TTLL3: variants seen among roughly 807,000 people sequenced by gnomAD.
The protein encoded by TTLL3 is tubulin monoglycylase TTLL3.
In TTLL3, 63 loss-of-function variants were observed where a neutral mutation model predicts 75.2. The ratio of observed to expected loss-of-function variants is 0.84; its 90% CI spans 0.68 to 1.03. The LOEUF (loss-of-function observed/expected upper bound fraction) is 1.03. TTLL3 is among the 50% of genes least tolerant of loss of function. The probability of loss-of-function intolerance (pLI) is 0.00; values close to 1 mark genes in which losing one functional copy is unlikely to be tolerated. For synonymous variants in TTLL3, 393 were observed against 418.5 expected, an observed-to-expected ratio of 0.94 and a Z score of 0.74; for missense variants, 997 against 1,069.9, an observed-to-expected ratio of 0.93 and a Z score of 0.95.
upstream of TTLL3, chr3:9,810,112 T>C: frequency 1.4e-6 from 2 of 1,463,500 alleles, no homozygotes; most frequent in East Asian, 3.0e-5. The surrounding 1 kb of genome is among the most constrained non-coding windows in gnomAD (Gnocchi z 4.4). Context: ...GGTGTGCAAC[T>C]GGCTGCGGAA....
intron 7 of TTLL3, chr3:9,819,939 A>C: frequency 1.0e-6 from 1 of 985,940 alleles, no homozygotes; most frequent in Non-Finnish European, 1.2e-6. Context: ...TCAGTTGTAT[A>C]TCAGAATCTT....
chr3:9,824,803 C>T (rs545083496), intron 8 of TTLL3, among the ~76,000 whole-genome samples: 10 of 140,426 alleles, frequency 7.1e-5, no homozygotes, highest in Admixed American at 2.3e-4. Context: ...TGCAGTGGTA[C>T]GATCTCGGCT....
chr3:9,826,754 G>A (rs565443527), intron 9 of TTLL3, among the ~76,000 whole-genome samples: 82 of 146,056 alleles, frequency 5.6e-4, no homozygotes, highest in Non-Finnish European at 9.3e-4. Context: ...AAAAAGTCCA[G>A]CACTTTAAAT....
At chr3:9,819,352 T>G in intron 7 of TTLL3, 1 of 263,790 alleles carries the variant, frequency 3.8e-6, no homozygotes, top group Non-Finnish European at 6.3e-6. Context: ...ACTCATCCAT[T>G]CTTCTGTCCC....
Position 9,810,675 on chromosome 3 carries a change from GA to G in TTLL3, c.17del (p.Asn6ThrfsTer24), listed in dbSNP as rs983148796. The G allele has an allele frequency of 5.7e-6, 9 of 1,587,132 alleles. No individual in the cohort carries two copies. In the African/African-American group the frequency reaches 1.2e-4, roughly 21 times the overall value. On this transcript the variant is annotated frameshift_variant, in exon 2 of 14. Coordinates refer to ENST00000685419, the MANE Select transcript of TTLL3 (RefSeq NM_001387446.1). LOFTEE classifies it high-confidence loss of function. This position sits in a 1 kb window ranked among gnomAD's most constrained non-coding sequence, Gnocchi z 4.4. Reference protein sequence around the residue: MNRLRNAKIYVERAV... With the variant: MNRLXNAKIYVERAV... ...AAGGCGTCTCACATGAACCGGCTCA[GA>G]AACGCCAAAATCTACGTGGAGAGAG...
At chr3:9,830,959 T>C (rs9838916) in intron 11 of TTLL3, among the ~76,000 whole-genome samples, 96,226 of 151,942 alleles carry the variant, frequency 0.63, 31,437 homozygotes, top group Non-Finnish European at 0.7. Context: ...CCTGCCACCA[T>C]GCCCGGCTAA....
In TTLL3 at chr3:9,810,513, G is replaced by A; in HGVS notation, c.-41-108G>A. Reference sequence around the variant, plus strand: ...GCTGAGGGTGGGCATCTGGATGAAGGCAGGAGGAAGAAAAGAGGCGTGGCT... The same window carrying A: ...GCTGAGGGTGGGCATCTGGATGAAGACAGGAGGAAGAAAAGAGGCGTGGCT... On this transcript the variant is annotated intron_variant, in intron 1 of 13. Coordinates refer to ENST00000685419, the MANE Select transcript of TTLL3 (RefSeq NM_001387446.1). The surrounding 1 kb of genome is among the most constrained non-coding windows in gnomAD (Gnocchi z 4.4). The A allele has an allele frequency of 2.0e-6, 3 of 1,469,768 alleles. No individual in the cohort carries two copies. The highest frequency in any genetic ancestry group is 2.8e-5 in the South Asian group (2 of 71,302). 91.0% of individuals were successfully genotyped at this position (1,469,768 alleles called of 1,614,324 possible). A position where few individuals can be genotyped will look rare whatever the true frequency, so the allele number is the denominator to read the frequency against.
chr3:9,827,241 G>A lies in TTLL3; in HGVS notation c.1247+1G>A. ...CCTTCTCCCTGAAGAACCTGGACAA[G>A]TGAGCCCCTCTGCTCGCCTCCCACG... On this transcript the variant is annotated splice_donor_variant, in intron 10 of 13. Coordinates refer to ENST00000685419, the MANE Select transcript of TTLL3 (RefSeq NM_001387446.1). LOFTEE classifies it high-confidence loss of function. The A allele has an allele frequency of 1.9e-6, 3 of 1,613,510 alleles. No homozygotes were observed. Among genetic ancestry groups the A allele is most frequent in the South Asian group, 1.1e-5 (1 of 91,080 alleles).
intron 9 of TTLL3, 61 bp downstream of exon 9, chr3:9,826,009 C>G: frequency 6.3e-7 from 1 of 1,582,196 alleles, no homozygotes; most frequent in Non-Finnish European, 8.6e-7. Flanking sequence ...CCAGTAGAGG[C>G]CAAGGAAGTT....
chr3:9,819,120 C>T (rs766021888), intron 7 of TTLL3, 200 bp downstream of exon 7: 35 of 664,274 alleles, frequency 5.3e-5, no homozygotes, highest in Non-Finnish European at 7.6e-5. Context: ...TTCACCCACT[C>T]TCTGATCTAC....
In TTLL3 at chr3:9,827,077, G is replaced by C. The variant is rs1158917652; in HGVS notation, c.1084G>C (p.Val362Leu). The change falls in exon 10 of 14, where the codon GTG becomes CTG. Residue 362 changes from valine to leucine, a missense_variant. By Grantham distance (32) the Val-to-Leu change is conservative. Coordinates refer to ENST00000685419, the MANE Select transcript of TTLL3 (RefSeq NM_001387446.1). Reference sequence around the variant, plus strand: ...CGTGGTGATGAAGGACGGCAAGTGGGTGGTGCAGAAGTATATTGAGCGGCC... The same window carrying C: ...CGTGGTGATGAAGGACGGCAAGTGGCTGGTGCAGAAGTATATTGAGCGGCC... ...NPVVMKDGKW[V>L]VQKYIERPLL... The C allele has an allele frequency of 6.2e-7, 1 of 1,614,214 alleles. No individual in the cohort carries two copies. Among genetic ancestry groups the C allele is most frequent in the South Asian group, 1.1e-5 (1 of 91,078 alleles).
At chr3:9,809,972 A>AGGGGCCCTGGGAGGGCGGGCGCGGGATCG (rs1559733224), upstream of TTLL3, 1 of 1,298,278 alleles carries the variant, frequency 7.7e-7, no homozygotes, top group East Asian at 3.2e-5. Context: ...GCGCGGGATC[A>AGGGGCCCTGGGAGGGCGGGCGCGGGATCG]GGGGCCCTGG....
rs748693588 is a variant in TTLL3 at position 9,829,202 on chromosome 3, G to A, written c.1490G>A (p.Gly497Asp). ...QCRKASFELY[G>D]ADFVFGEDFQ... ...CGGAAGGCCAGCTTTGAGCTCTATG[G>A]CGCTGACTTCGTGTTCGGGGAGGAC... The change falls in exon 11 of 14, where the codon GGC (glycine) becomes GAC (aspartate). Residue 497 changes from glycine (G) to aspartate (D), a missense_variant. Coordinates refer to ENST00000685419, the MANE Select transcript of TTLL3 (RefSeq NM_001387446.1). 1 of 1,614,200 alleles carries A rather than the reference G, an allele frequency of 6.2e-7. No individual in the cohort carries two copies. The highest frequency in any genetic ancestry group is 1.7e-5 in the Admixed American group (1 of 60,024).
At chr3:9,832,446 G>C (rs2124988320) in intron 11 of TTLL3, among the ~76,000 whole-genome samples, 2 of 152,232 alleles carry the variant, frequency 1.3e-5, no homozygotes, top group African/African-American at 4.8e-5. Context: ...TTCTGATCAG[G>C]ATCCTTCAGT....
chr3:9,815,966 T>C (rs2079815449), intron 4 of TTLL3, 108 bp from the exon 5 acceptor site: 1 of 1,108,336 alleles, frequency 9.0e-7, no homozygotes, highest in African/African-American at 1.6e-5. Context: ...CTTGGAAGCA[T>C]CCTCTCCTTC....
intron 4 of TTLL3, 41 bp downstream of exon 4, chr3:9,813,386 C>A (rs368147234): frequency 1.9e-6 from 3 of 1,609,024 alleles, no homozygotes; most frequent in Non-Finnish European, 2.5e-6. Context: ...GGACTGCCTG[C>A]TTAGAGGGAG....
At position 9,819,618 on chromosome 3, in the gene TTLL3, C is replaced by G; in HGVS notation, c.658+698C>G. ...TGGAGGGGACACAGAGGAACCCTCA[C>G]TATCATGCATGCCAACCCAACCACT... is the stretch of plus-strand genomic sequence containing the variant. On this transcript the variant is annotated intron_variant, in intron 7 of 13. Coordinates refer to ENST00000685419, the MANE Select transcript of TTLL3 (RefSeq NM_001387446.1). 3 of 985,696 alleles carry G rather than the reference C, an allele frequency of 3.0e-6. No individual in the cohort carries two copies. In the South Asian group the frequency reaches 1.4e-4, roughly 46 times the overall value. 61.1% of individuals were successfully genotyped at this position (985,696 alleles called of 1,614,324 possible).
intron 5 of TTLL3, among the ~76,000 whole-genome samples, chr3:9,817,252 G>A (rs1407293741): frequency 1.6e-4 from 24 of 152,088 alleles, no homozygotes; most frequent in Admixed American, 1.5e-3. Flanking sequence ...GTGAAATGCC[G>A]TCTCTATTAA....
At chr3:9,833,297 G>A in intron 12 of TTLL3, 52 bp downstream of exon 12, 1 of 1,602,382 alleles carries the variant, frequency 6.2e-7, no homozygotes, top group Non-Finnish European at 8.5e-7. Flanking sequence ...AAAGGCACTG[G>A]GGCCAGGAGC....
Sources: gnomAD v4.1 joint callset for allele counts (sites outside exome capture counted in the v4.1 genomes callset) on GRCh38, gnomAD v4.1.1 for gene constraint, Gnocchi (gnomAD v3.1) non-coding constraint, MANE v1.5 for transcripts, NCBI Gene and HGNC (gene_info 2026-07-23, HGNC 2026-07-21) for gene names.